Variants in SUMF1 observed in about 807,000 individuals in gnomAD.
SUMF1 encodes formylglycine-generating enzyme.
Under a neutral mutation model 47.6 loss-of-function variants are expected in SUMF1, and 48 were observed. The observed-to-expected ratio is 1.01, with a 90% CI of 0.80 to 1.28. The LOEUF is 1.28. Ranked by LOEUF, SUMF1 falls within the 50% of genes most tolerant of loss-of-function variation. SUMF1 has a pLI of 0.00. For synonymous variants in SUMF1, 230 were observed against 192.1 expected (o/e 1.20, Z -1.63); for missense variants, 571 against 485.4 (o/e 1.18, Z -1.66).
At chr3:4,223,969 C>A (rs2125177564) in intron 8 of SUMF1, among the ~76,000 whole-genome samples, 1 of 152,222 alleles carries the variant, frequency 6.6e-6, no homozygotes, top group African/African-American at 2.4e-5. Context: ...CTGACAGAAA[C>A]AGTCCAATAG....
intron 8 of SUMF1, among the ~76,000 whole-genome samples, chr3:4,070,997 CAAG>C (rs772371796): frequency 2.6e-5 from 4 of 151,848 alleles, no homozygotes; most frequent in South Asian, 2.1e-4. Context: ...GTGTGCATAT[CAAG>C]AAGAAGAAGA....
chr3:4,211,212 A>ATATATATATATATC (rs1695785682), intron 8 of SUMF1, among the ~76,000 whole-genome samples: 2 of 136,840 alleles, frequency 1.5e-5, no homozygotes, highest in Non-Finnish European at 3.1e-5. Context: ...ACATATATAT[A>ATATATATATATATC]TATATATATA....
intron 9 of SUMF1, among the ~76,000 whole-genome samples, chr3:4,064,228 T>C (rs568842172): frequency 8.3e-6 from 1 of 120,704 alleles, no homozygotes; most frequent in East Asian, 3.0e-4. Context: ...GTAAAAAAGC[T>C]GACCAAAACT....
intron 8 of SUMF1, among the ~76,000 whole-genome samples, chr3:4,300,202 C>T (rs951853100): frequency 6.6e-6 from 1 of 152,112 alleles, no homozygotes; most frequent in Non-Finnish European, 1.5e-5. Context: ...GTGGCACCTG[C>T]CCCAACCCCC....
rs779901513 is a variant in SUMF1, at chr3:4,313,844, A to G, written c.1014+62486T>C. The G allele has an allele frequency of 7.8e-5, 123 of 1,584,244 alleles. No individual in the cohort carries two copies. In the Admixed American group the frequency reaches 1.1e-3, roughly 14 times the overall value. On this transcript the variant is annotated intron_variant and NMD_transcript_variant, in intron 8 of 12. Transcript: ENST00000448413. ...GCTAGCTTTACCTCTGCCTAGTTAC[A>G]TAAGTTTAACTCAGGAATGTGGCAG...
chr3:4,290,285 G>A lies in SUMF1; in HGVS notation c.1014+86045C>T, dbSNP rs1697714060. ...TAAATTTCTCTTAGATTGTGTAAAT[G>A]TGAGTCTAAACAAATCACAGCAAAG... On this transcript the variant is annotated intron_variant and NMD_transcript_variant, in intron 8 of 12. Coordinates refer to the SUMF1 transcript ENST00000448413. 2.7e-5 allele frequency among the ~76,000 whole-genome samples: 4 copies of A among 148,054 alleles called. No homozygotes were observed. The South Asian group carries it at 8.3e-4, about 31-fold the overall frequency.
rs150574770 is a variant in SUMF1, at chr3:4,037,821, A to C, written c.1191+30748T>G. ...ACTGTGATATAGATTGAATATGGTC[A>C]GTAGACTTCTTTTCTGGATGTGTTC... On this transcript the variant is annotated intron_variant and NMD_transcript_variant, in intron 9 of 12. Transcript: ENST00000448413. 1.6e-3 allele frequency among the ~76,000 whole-genome samples: 247 copies of C among 152,334 alleles called. 2 individuals are homozygous for C. The South Asian group carries it at 0.024, about 15-fold the overall frequency.
chr3:4,177,250 C>T (rs1694986770), intron 8 of SUMF1, among the ~76,000 whole-genome samples: 1 of 152,134 alleles, frequency 6.6e-6, no homozygotes, highest in Non-Finnish European at 1.5e-5. Flanking sequence ...TTCTCAGTAC[C>T]ACATCACAGT....
At chr3:4,298,690 A>T (rs1308004525) in intron 8 of SUMF1, among the ~76,000 whole-genome samples, 4 of 152,214 alleles carry the variant, frequency 2.6e-5, no homozygotes, top group Admixed American at 2.6e-4. Context: ...TGTCTGTTAC[A>T]CTGCAAGCTT....
chr3:4,064,632 C>G (rs981528283), intron 9 of SUMF1, among the ~76,000 whole-genome samples: 5 of 152,062 alleles, frequency 3.3e-5, no homozygotes, highest in African/African-American at 1.2e-4. Context: ...GTCCAAGAAC[C>G]CTCTCTTGAG....
At chr3:4,092,852 A>C (rs1692817996) in intron 8 of SUMF1, among the ~76,000 whole-genome samples, 1 of 152,142 alleles carries the variant, frequency 6.6e-6, no homozygotes, top group Non-Finnish European at 1.5e-5. Context: ...GTGAATATAT[A>C]AGAAGGTAAG....
intron 8 of SUMF1, among the ~76,000 whole-genome samples, chr3:4,246,617 G>C (rs1471404853): frequency 1.3e-5 from 2 of 152,020 alleles, no homozygotes; most frequent in Non-Finnish European, 2.9e-5. Context: ...GGCCAGGCTG[G>C]TGTCAAACTC....
intron 7 of SUMF1, among the ~76,000 whole-genome samples, chr3:4,379,840 CAAAAAAA>C (rs58264459): frequency 2.6e-5 from 2 of 76,882 alleles, no homozygotes. Context: ...GCCTCCATCT[CAAAAAAA>C]AAAAAAAAAA....
chr3:4,349,529 G>A (rs115272631), intron 8 of SUMF1, among the ~76,000 whole-genome samples: 2,814 of 152,220 alleles, frequency 0.018, 31 homozygotes, highest in Non-Finnish European at 0.028. Context: ...AAAGACACAC[G>A]CACATGTATG....
chr3:4,341,027 T>C (rs1345899792), intron 8 of SUMF1, among the ~76,000 whole-genome samples: 2 of 152,214 alleles, frequency 1.3e-5, no homozygotes, highest in African/African-American at 4.8e-5. Context: ...CTGTAGCTTT[T>C]GCCATCAGGG....
At chr3:4,107,431 C>T (rs1418913926) in intron 8 of SUMF1, among the ~76,000 whole-genome samples, 1 of 152,104 alleles carries the variant, frequency 6.6e-6, no homozygotes, top group Non-Finnish European at 1.5e-5. Flanking sequence ...CCTAAGGATA[C>T]AAAATGGGCA....
chr3:4,306,247 G>A (rs1213490725), intron 8 of SUMF1, among the ~76,000 whole-genome samples: 4 of 151,894 alleles, frequency 2.6e-5, no homozygotes, highest in African/African-American at 4.8e-5. Context: ...TGTGCCCGAC[G>A]TATTTTTTTA....
chr3:4,237,052 T>A (rs1367349814), intron 8 of SUMF1, among the ~76,000 whole-genome samples: 1 of 152,150 alleles, frequency 6.6e-6, no homozygotes, highest in Non-Finnish European at 1.5e-5. Context: ...GTTTCCTCCA[T>A]GTCTTTTCAT....
chr3:4,374,478 G>T (rs1040472086), intron 8 of SUMF1, among the ~76,000 whole-genome samples: 1 of 152,172 alleles, frequency 6.6e-6, no homozygotes, highest in Non-Finnish European at 1.5e-5. Context: ...TATAAAACAT[G>T]AAAGTAGATA....
Sources: allele counts gnomAD v4.1 joint callset (sites outside exome capture counted in the v4.1 genomes callset), GRCh38; gene constraint gnomAD v4.1.1; transcripts MANE v1.5; gene names NCBI Gene and HGNC (gene_info 2026-07-23, HGNC 2026-07-21).